The following PRR11 variants were observed in gnomAD, a reference collection of about 807,000 sequenced individuals.
PRR11 encodes proline rich 11.
In PRR11, 30 loss-of-function variants were observed where a neutral mutation model predicts 45.6. That is an observed-to-expected ratio of 0.66 (90% CI 0.49 to 0.89). The LOEUF (loss-of-function observed/expected upper bound fraction) is 0.89. Ranked by LOEUF, PRR11 falls within the 40% of genes least tolerant of loss-of-function variation. The pLI, the probability that PRR11 is intolerant of heterozygous loss-of-function variation, is 0.00. For synonymous variants in PRR11, 128 were observed against 153.5 expected, an observed-to-expected ratio of 0.83 and a Z score of 1.23; for missense variants, 373 against 424.8, an observed-to-expected ratio of 0.88 and a Z score of 1.07.
At chr17:59,157,708 C>T (rs540452874) in intron 1 of PRR11, among the ~76,000 whole-genome samples, 1 of 141,196 alleles carries the variant, frequency 7.1e-6, no homozygotes, top group Non-Finnish European at 1.6e-5. Flanking sequence ...TCCACCCCCC[C>T]AAAAAAAAAA....
intron 1 of PRR11, among the ~76,000 whole-genome samples, chr17:59,168,332 G>A (rs2046689763): frequency 6.6e-6 from 1 of 151,450 alleles, no homozygotes; most frequent in African/African-American, 2.4e-5. Flanking sequence ...ACCATGCCCA[G>A]CTAATTTTTG....
chr17:59,184,917 G>T, intron 2 of PRR11, 137 bp from the exon 3 acceptor site: 3 of 218,856 alleles, frequency 1.4e-5, no homozygotes, highest in East Asian at 1.1e-4. Context: ...GGCTAGTCTT[G>T]AACTCCTGGT....
At chr17:59,191,460 C>A (rs1201202861) in intron 4 of PRR11, among the ~76,000 whole-genome samples, 1 of 151,958 alleles carries the variant, frequency 6.6e-6, no homozygotes, top group Admixed American at 6.6e-5. Flanking sequence ...CTCAGGTAAT[C>A]CACCTGCCTC....
At chr17:59,188,414 A>C (rs941834515) in intron 4 of PRR11, among the ~76,000 whole-genome samples, 11 of 152,178 alleles carry the variant, frequency 7.2e-5, no homozygotes, top group Admixed American at 2.0e-4. Flanking sequence ...GATGCAACCA[A>C]ATTTTGTACA....
intron 2 of PRR11, among the ~76,000 whole-genome samples, chr17:59,173,202 A>G (rs1274957373): frequency 6.6e-6 from 1 of 152,188 alleles, no homozygotes; most frequent in African/African-American, 2.4e-5. Context: ...AAAGGCACCA[A>G]TCAGCACCCT....
intron 4 of PRR11, among the ~76,000 whole-genome samples, chr17:59,189,270 A>G (rs541652040): frequency 1.2e-3 from 180 of 152,098 alleles, no homozygotes; most frequent in Non-Finnish European, 1.9e-3. Context: ...ACTGCACTCA[A>G]ATCTGGGTGA....
chr17:59,187,579 T>TCAGGGCTGAGCG (rs1411248153), intron 4 of PRR11, among the ~76,000 whole-genome samples: 1 of 146,876 alleles, frequency 6.8e-6, no homozygotes, highest in Non-Finnish European at 1.5e-5. Context: ...CAAGAGTGAA[T>TCAGGGCTGAGCG]CAGGGCTGAG....
At chr17:59,162,798 G>A (rs142187760) in intron 1 of PRR11, among the ~76,000 whole-genome samples, 95 of 140,804 alleles carry the variant, frequency 6.7e-4, no homozygotes, top group African/African-American at 2.4e-3. Flanking sequence ...GCACGATCTC[G>A]GCTCACCGCA....
chr17:59,180,632 A>G (rs1165685658), intron 2 of PRR11, among the ~76,000 whole-genome samples: 3 of 149,806 alleles, frequency 2.0e-5, no homozygotes, highest in African/African-American at 7.5e-5. Flanking sequence ...CAGCCTCCCA[A>G]GTAGCTGGGA....
chr17:59,184,654 C>T (rs980255378), intron 2 of PRR11, among the ~76,000 whole-genome samples: 5 of 152,088 alleles, frequency 3.3e-5, no homozygotes, highest in African/African-American at 9.7e-5. Context: ...ACGCTTTAAA[C>T]CGCCAGAGCT....
chr17:59,191,220 C>CTTTTTTTTTTTTTTTT (rs60012514), intron 4 of PRR11, among the ~76,000 whole-genome samples: 1 of 98,192 alleles, frequency 1.0e-5, no homozygotes, highest in Non-Finnish European at 2.2e-5. Flanking sequence ...TTCTTTTTTT[C>CTTTTTTTTTTTTTTTT]TTTTTTTTTT....
chr17:59,178,779 AG>A (rs1321223520), intron 2 of PRR11, among the ~76,000 whole-genome samples: 1 of 152,138 alleles, frequency 6.6e-6, no homozygotes, highest in East Asian at 1.9e-4. Context: ...GCTGGCAAAA[AG>A]CCAGAATGCC....
chr17:59,181,806 G>A lies in PRR11; in HGVS notation c.129-3248G>A, dbSNP rs189135819. ...TCTGCAACTGATCACCTTAGACCCC[G>A]ACCCCGACCCCAACCCCAAACCACT... On this transcript the variant is annotated intron_variant, in intron 2 of 9. Coordinates refer to ENST00000262293, the MANE Select transcript of PRR11 (RefSeq NM_018304.4). The A allele has an allele frequency of 7.0e-5, 102 of 1,458,732 alleles. 4 individuals carry two copies. The African/African-American group carries it at 1.4e-3, about 19-fold the overall frequency. 90.4% of individuals were successfully genotyped at this position (1,458,732 alleles called of 1,614,324 possible).
Position 59,204,096 on chromosome 17 carries a change from A to G in PRR11, c.*2465A>G, listed in dbSNP as rs1568329878. 6.6e-6 allele frequency: 1 copy of G among 152,118 alleles called. No individual in the cohort carries two copies. Among genetic ancestry groups the G allele is most frequent in the Non-Finnish European group, 1.5e-5 (1 of 68,044 alleles). 9.4% of individuals were successfully genotyped at this position (152,118 alleles called of 1,614,324 possible). Reference sequence around the variant, plus strand: ...GACCATTCTTGTGGGATAAGAGATCATTAAAAAAATGCTAGGGCCGGGCAC... The same window carrying G: ...GACCATTCTTGTGGGATAAGAGATCGTTAAAAAAATGCTAGGGCCGGGCAC... On this transcript the variant is annotated 3_prime_UTR_variant, in exon 10 of 10. Coordinates refer to ENST00000262293, the MANE Select transcript of PRR11 (RefSeq NM_018304.4).
intron 2 of PRR11, 151 bp from the exon 3 acceptor site, chr17:59,184,903 C>T: frequency 4.7e-6 from 1 of 212,514 alleles, no homozygotes; most frequent in Admixed American, 8.0e-5. Context: ...TGCCATGTTG[C>T]CGAGGCTAGT....
At position 59,203,848 on chromosome 17, in the gene PRR11, A is replaced by G. The variant is rs1568329766; in HGVS notation, c.*2217A>G. On this transcript the variant is annotated 3_prime_UTR_variant, in exon 10 of 10. Coordinates refer to ENST00000262293, the MANE Select transcript of PRR11 (RefSeq NM_018304.4). ...AGACCCTGTCTCAAAAAAAAAAAAA[A>G]AAAATTAAATGGGTAGTGACGTTAA... 6.6e-6 allele frequency: 1 copy of G among 151,794 alleles called. No homozygotes were observed. Among genetic ancestry groups the G allele is most frequent in the East Asian group, 1.9e-4 (1 of 5,160 alleles). 9.4% of individuals were successfully genotyped at this position (151,794 alleles called of 1,614,324 possible). A position where few individuals can be genotyped will look rare whatever the true frequency, so the allele number is the denominator to read the frequency against.
In PRR11 at chr17:59,162,249, C is replaced by CAGAG. The variant is rs1555714847; in HGVS notation, c.-6+6462_-6+6465dup. Among the ~76,000 whole-genome samples the CAGAG allele has an allele frequency of 1.0e-4, 14 of 135,106 alleles. No homozygotes were observed. The South Asian group carries it at 1.9e-3, about 18-fold the overall frequency. The allele number at this position is 135,106 out of a possible 152,430, so 88.6% of individuals were successfully genotyped here. ...ACACACACACACACACACACACACA[C>CAGAG]AGAGAGAGAGAGAGAGAGAGAAAGA... On this transcript the variant is annotated intron_variant, in intron 1 of 9. Transcript: ENST00000262293.
At chr17:59,181,787 A>C in intron 2 of PRR11, 2 of 1,548,838 alleles carry the variant, frequency 1.3e-6, no homozygotes. Flanking sequence ...TGCTTCTGCA[A>C]CTGATCACCT....
At chr17:59,180,518 T>TGTTTTTTTTG (rs1491501015) in intron 2 of PRR11, among the ~76,000 whole-genome samples, 2 of 128,232 alleles carry the variant, frequency 1.6e-5, no homozygotes, top group East Asian at 2.3e-4. Flanking sequence ...TTGTTTTTTT[T>TGTTTTTTTTG]GTTTTTTTTG....
Sources: allele counts gnomAD v4.1 joint callset (sites outside exome capture counted in the v4.1 genomes callset), GRCh38; gene constraint gnomAD v4.1.1; transcripts MANE v1.5; gene names NCBI Gene and HGNC (gene_info 2026-07-23, HGNC 2026-07-21).